Variants in POLDIP3 observed in about 807,000 individuals in gnomAD.
The protein encoded by POLDIP3 is polymerase delta-interacting protein 3.
In POLDIP3, 14 loss-of-function variants were observed where a neutral mutation model predicts 45.1. That is an observed-to-expected ratio of 0.31 (90% CI 0.20 to 0.49). POLDIP3 has a LOEUF of 0.49. Among genes scored for constraint, POLDIP3 ranks in the 20% least tolerant of loss-of-function variants. The probability of loss-of-function intolerance (pLI) is 0.99; values close to 1 mark genes in which losing one functional copy is unlikely to be tolerated. For synonymous variants in POLDIP3, 223 were observed against 205.2 expected (o/e 1.09, Z -0.74); for missense variants, 511 against 538.8 (o/e 0.95, Z 0.51).
intron 8 of POLDIP3, among the ~76,000 whole-genome samples, chr22:42,587,013 G>A (rs909839346): frequency 2.0e-5 from 3 of 152,122 alleles, no homozygotes; most frequent in East Asian, 1.9e-4. Flanking sequence ...GAGGCTGAGG[G>A]GAGAGGGTTG....
chr22:42,595,971 C>CAT (rs1375790525), intron 5 of POLDIP3, among the ~76,000 whole-genome samples: 5 of 152,210 alleles, frequency 3.3e-5, no homozygotes, highest in African/African-American at 1.2e-4. Context: ...GAGAGTCTAA[C>CAT]ATATCACCAG....
At chr22:42,588,269 C>T (rs1925439239) in intron 7 of POLDIP3, among the ~76,000 whole-genome samples, 2 of 151,978 alleles carry the variant, frequency 1.3e-5, no homozygotes. Context: ...TCCTGGCTAA[C>T]ATGGTGAAAC....
chr22:42,603,935 T>C (rs1266546552), intron 1 of POLDIP3, among the ~76,000 whole-genome samples: 1 of 152,126 alleles, frequency 6.6e-6, no homozygotes, highest in Admixed American at 6.5e-5. Context: ...GAATTTAAAA[T>C]AAAATATTTT....
intron 7 of POLDIP3, among the ~76,000 whole-genome samples, chr22:42,590,371 A>C (rs1260728733): frequency 2.0e-5 from 3 of 152,036 alleles, no homozygotes; most frequent in Admixed American, 6.6e-5. Context: ...ATTTTTTGAG[A>C]CAGGGTCTTG....
chr22:42,590,553 G>A (rs1277321406), intron 7 of POLDIP3, among the ~76,000 whole-genome samples: 1 of 152,160 alleles, frequency 6.6e-6, no homozygotes, highest in Non-Finnish European at 1.5e-5. Flanking sequence ...AAAAAATACA[G>A]TAAAAATATG....
intron 7 of POLDIP3, among the ~76,000 whole-genome samples, chr22:42,591,169 TAAG>T (rs1291484064): frequency 6.7e-6 from 1 of 148,676 alleles, no homozygotes; most frequent in Non-Finnish European, 1.5e-5. Context: ...TGACAAAAAA[TAAG>T]AAAAAACAAA....
rs140382993 is a variant in POLDIP3 at position 42,601,455 on chromosome 22, C to T, written c.537+515G>A. On this transcript the variant is annotated intron_variant, in intron 3 of 8. Transcript: ENST00000252115. Reference sequence around the variant, plus strand: ...TAGCCTCTCTGCCCCCTATGCCTCCCTTCCTCTATTAAGAAGTTTCTTCTT... The same window carrying T: ...TAGCCTCTCTGCCCCCTATGCCTCCTTTCCTCTATTAAGAAGTTTCTTCTT... Among the ~76,000 whole-genome samples the T allele has an allele frequency of 4.3e-3, 648 of 151,814 alleles. 4 individuals carry two copies. Among genetic ancestry groups the T allele is most frequent in the African/African-American group, 0.015 (631 of 41,444 alleles).
intron 4 of POLDIP3, chr22:42,597,875 G>A (rs566775282): frequency 2.5e-5 from 10 of 397,294 alleles, no homozygotes; most frequent in Admixed American, 1.0e-4. Flanking sequence ...CCACCTCGGG[G>A]TTCAAACAAT....
intron 1 of POLDIP3, among the ~76,000 whole-genome samples, chr22:42,613,012 C>T (rs939336358): frequency 6.6e-6 from 1 of 152,154 alleles, no homozygotes; most frequent in Non-Finnish European, 1.5e-5. Context: ...AACCACCCCC[C>T]ATTCCTGCAG....
chr22:42,598,733 A>G (rs1023864547), intron 4 of POLDIP3, among the ~76,000 whole-genome samples: 11 of 152,208 alleles, frequency 7.2e-5, no homozygotes, highest in African/African-American at 2.7e-4. Context: ...TACTCAGGAC[A>G]GTAACCAAAA....
At chr22:42,606,342 G>A (rs1164635682) in intron 1 of POLDIP3, among the ~76,000 whole-genome samples, 1 of 151,800 alleles carries the variant, frequency 6.6e-6, no homozygotes, top group Admixed American at 6.6e-5. Context: ...GCAACATAGC[G>A]AGACTCCCTG....
intron 1 of POLDIP3, 146 bp downstream of exon 1, chr22:42,614,653 G>C (rs1053213825): frequency 3.5e-6 from 3 of 855,354 alleles, no homozygotes; most frequent in African/African-American, 3.6e-5. Context: ...CGGCGGGGAC[G>C]GCGGCAGCCG....
intron 1 of POLDIP3, among the ~76,000 whole-genome samples, chr22:42,613,740 G>A (rs1423866417): frequency 1.3e-5 from 2 of 152,038 alleles, no homozygotes; most frequent in African/African-American, 4.8e-5. Context: ...CAGCCTGGGC[G>A]ACAGAGCAAC....
intron 1 of POLDIP3, among the ~76,000 whole-genome samples, chr22:42,609,137 C>A (rs560322507): frequency 6.6e-6 from 1 of 152,322 alleles, no homozygotes; most frequent in South Asian, 2.1e-4. Flanking sequence ...TTACAAAGCC[C>A]AACCCCTGGG....
intron 1 of POLDIP3, among the ~76,000 whole-genome samples, chr22:42,614,406 CAACTCT>C (rs1363834613): frequency 6.6e-6 from 1 of 152,216 alleles, no homozygotes; most frequent in African/African-American, 2.4e-5. Context: ...TCGGTTGTCT[CAACTCT>C]AAGATGGGTG....
chr22:42,585,120 ACTTC>A lies in POLDIP3; in HGVS notation c.*667_*670del. On this transcript the variant is annotated 3_prime_UTR_variant, in exon 9 of 9. Transcript: ENST00000252115. ...AAAAGGGAAAGGTGAACTCTGGAGA[ACTTC>A]CTCTGGGTGGAGACGACACGGGACT... 2.3e-6 allele frequency: 1 copy of A among 438,066 alleles called. No homozygotes were observed. The highest frequency in any genetic ancestry group is 4.6e-6 in the Non-Finnish European group (1 of 218,358). The allele number at this position is 438,066 out of a possible 1,614,324, so 27.1% of individuals were successfully genotyped here. A position where few individuals can be genotyped will look rare whatever the true frequency, so the allele number is the denominator to read the frequency against.
intron 1 of POLDIP3, among the ~76,000 whole-genome samples, chr22:42,614,153 G>C (rs542675485): frequency 6.6e-6 from 1 of 152,192 alleles, no homozygotes; most frequent in South Asian, 2.1e-4. Flanking sequence ...CCGTGGCCTC[G>C]GGCAAGTCAC....
chr22:42,588,633 T>C (rs1222787734), intron 7 of POLDIP3, among the ~76,000 whole-genome samples: 2 of 143,922 alleles, frequency 1.4e-5, no homozygotes, highest in Non-Finnish European at 3.0e-5. Context: ...TTTCTTTCTT[T>C]TTTTTTTTTT....
intron 1 of POLDIP3, among the ~76,000 whole-genome samples, chr22:42,606,132 ACT>A (rs896792370): frequency 1.3e-5 from 2 of 151,800 alleles, no homozygotes; most frequent in African/African-American, 2.4e-5. Context: ...ACAGAGCAAG[ACT>A]CTGTTTCAAA....
Sources: gnomAD v4.1 joint callset for allele counts (sites outside exome capture counted in the v4.1 genomes callset) on GRCh38, gnomAD v4.1.1 for gene constraint, MANE v1.5 for transcripts, NCBI Gene and HGNC (gene_info 2026-07-23, HGNC 2026-07-21) for gene names.